PTPN4: variants seen among roughly 807,000 people sequenced by gnomAD.
The protein encoded by PTPN4 is protein tyrosine phosphatase non-receptor type 4, also known as tyrosine-protein phosphatase non-receptor type 4.
Under a neutral mutation model 135.5 loss-of-function variants are expected in PTPN4, and 49 were observed. The observed-to-expected ratio is 0.36, with a 90% CI of 0.29 to 0.46. PTPN4 has a LOEUF of 0.46. PTPN4 is among the 20% of genes least tolerant of loss of function. PTPN4 has a pLI of 1.00. For synonymous variants in PTPN4, 333 were observed against 369.9 expected (o/e 0.90, Z 1.14); for missense variants, 860 against 1,101.0 (o/e 0.78, Z 3.10).
intron 9 of PTPN4, among the ~76,000 whole-genome samples, chr2:119,888,651 A>G (rs2105006964): frequency 6.6e-6 from 1 of 152,298 alleles, no homozygotes; most frequent in African/African-American, 2.4e-5. Flanking sequence ...GTGTTGAACT[A>G]TCCTTACATT....
At chr2:119,855,522 G>A (rs1677663598) in intron 2 of PTPN4, among the ~76,000 whole-genome samples, 1 of 152,148 alleles carries the variant, frequency 6.6e-6, no homozygotes, top group African/African-American at 2.4e-5. Context: ...TATAATAGGG[G>A]CATCCTTGGG....
At chr2:119,808,536 AAGG>A (rs1275159235) in intron 1 of PTPN4, among the ~76,000 whole-genome samples, 1 of 152,208 alleles carries the variant, frequency 6.6e-6, no homozygotes, top group African/African-American at 2.4e-5. Context: ...GGACCTGTTC[AAGG>A]AGAACTACAA....
chr2:119,884,386 G>A (rs755328269), intron 8 of PTPN4, among the ~76,000 whole-genome samples: 3 of 152,080 alleles, frequency 2.0e-5, no homozygotes, highest in South Asian at 2.1e-4. Context: ...GGCTGTTTTC[G>A]CACAATGGCC....
chr2:119,898,887 A>G lies in PTPN4; in HGVS notation c.676-1831A>G, dbSNP rs561233263. On this transcript the variant is annotated intron_variant, in intron 9 of 26. Transcript: ENST00000263708. ...TGTTATTTTTTAAACTTGTTTTTCT[A>G]CTAACATTGTATCTTGATTGGCTTC... 1.1e-4 allele frequency among the ~76,000 whole-genome samples: 17 copies of G among 152,236 alleles called. No individual in the cohort carries two copies. In the South Asian group the frequency reaches 3.5e-3, roughly 32 times the overall value.
At chr2:119,795,921 A>G (rs1418280947) in intron 1 of PTPN4, among the ~76,000 whole-genome samples, 1 of 152,204 alleles carries the variant, frequency 6.6e-6, no homozygotes, top group Non-Finnish European at 1.5e-5. Context: ...GGCAAGGTGC[A>G]GGTGGCACTG....
chr2:119,797,416 T>A (rs1558728778), intron 1 of PTPN4, among the ~76,000 whole-genome samples: 1 of 152,244 alleles, frequency 6.6e-6, no homozygotes, highest in African/African-American at 2.4e-5. Context: ...TCCCCTATGG[T>A]GACCATCTTT....
intron 3 of PTPN4, among the ~76,000 whole-genome samples, chr2:119,875,906 A>G (rs147322125): frequency 3.3e-5 from 5 of 152,320 alleles, no homozygotes; most frequent in African/African-American, 1.2e-4. Context: ...ATGAAGGGAT[A>G]TAATGTTCCT....
At chr2:119,943,588 T>TC (rs1386333526) in intron 15 of PTPN4, among the ~76,000 whole-genome samples, 68 of 133,226 alleles carry the variant, frequency 5.1e-4, no homozygotes, top group East Asian at 2.1e-4. Context: ...TTCTTTTTTT[T>TC]TTTTTTTTTT....
chr2:119,838,617 C>T (rs192503674), intron 2 of PTPN4, among the ~76,000 whole-genome samples: 303 of 152,260 alleles, frequency 2.0e-3, no homozygotes, highest in Non-Finnish European at 3.9e-3. Flanking sequence ...TAAGATCTGT[C>T]GGGACCAGTC....
intron 2 of PTPN4, among the ~76,000 whole-genome samples, chr2:119,820,112 C>T (rs762492654): frequency 7.9e-5 from 12 of 152,214 alleles, no homozygotes; most frequent in Non-Finnish European, 1.5e-4. Context: ...CCTCCCACCT[C>T]GACCTCCCAC....
At chr2:119,959,226 T>C (rs1263161527) in intron 22 of PTPN4, among the ~76,000 whole-genome samples, 1 of 137,968 alleles carries the variant, frequency 7.2e-6, no homozygotes, top group African/African-American at 2.5e-5. Context: ...CTTAGGAATA[T>C]ATCTCTGATA....
At chr2:119,812,028 A>G (rs1260651124) in intron 2 of PTPN4, among the ~76,000 whole-genome samples, 2 of 152,144 alleles carry the variant, frequency 1.3e-5, no homozygotes, top group African/African-American at 4.8e-5. Flanking sequence ...AGGTCATCAA[A>G]AAACTTAAGA....
At chr2:119,919,118 A>T (rs984932326) in intron 11 of PTPN4, among the ~76,000 whole-genome samples, 2 of 152,190 alleles carry the variant, frequency 1.3e-5, no homozygotes, top group African/African-American at 4.8e-5. Flanking sequence ...GGTAGTAATG[A>T]TCCATTTCTG....
rs141473841 is a variant in PTPN4, at chr2:119,874,783, C to T, written c.247-2540C>T. Among the ~76,000 whole-genome samples, 20 of 152,202 alleles carry T rather than the reference C, an allele frequency of 1.3e-4. No homozygotes were observed. The East Asian group carries it at 3.7e-3, about 28-fold the overall frequency. On this transcript the variant is annotated intron_variant, in intron 3 of 26. Coordinates refer to ENST00000263708, the MANE Select transcript of PTPN4 (RefSeq NM_002830.4). Reference sequence around the variant, plus strand: ...ATTTTGTGGTGCGTGAAATATGTCTCACTAAAAATAATAAAAATAATGCTG... The same window carrying T: ...ATTTTGTGGTGCGTGAAATATGTCTTACTAAAAATAATAAAAATAATGCTG...
chr2:119,952,094 A>G lies in PTPN4; in HGVS notation c.1778A>G (p.His593Arg), dbSNP rs777806640. Residue 593 changes from histidine (H) to arginine (R), a missense_variant, in exon 19 of 27, where the codon CAT becomes CGT. This residue lies in a region of PTPN4 where 684 missense variants were observed against 807.0 expected (regional missense o/e 0.85). Transcript: ENST00000263708. ...TTTATTAAAGCTAGTTGTGAGAGAC[A>G]TTCTGGGGAACTCATGCTTCTAGTT... is the stretch of plus-strand genomic sequence containing the variant. The part of the protein sequence containing the change: ...VLFIKASCER[H>R]SGELMLLVRP... The G allele has an allele frequency of 6.2e-7, 1 of 1,613,232 alleles. No individual in the cohort carries two copies. Among genetic ancestry groups the G allele is most frequent in the Non-Finnish European group, 8.5e-7 (1 of 1,179,286 alleles).
chr2:119,766,803 A>G (rs1690638897), intron 1 of PTPN4, among the ~76,000 whole-genome samples: 2 of 152,072 alleles, frequency 1.3e-5, no homozygotes, highest in African/African-American at 2.4e-5. Flanking sequence ...TGAGATTAGA[A>G]CTGAAAACTG....
intron 1 of PTPN4, among the ~76,000 whole-genome samples, chr2:119,789,382 G>A (rs930591943): frequency 3.9e-5 from 6 of 152,014 alleles, no homozygotes; most frequent in Non-Finnish European, 7.4e-5. Context: ...TTTAAAAATC[G>A]CTTTCTTGAT....
chr2:119,766,501 T>A (rs958760020), intron 1 of PTPN4, among the ~76,000 whole-genome samples: 5 of 146,866 alleles, frequency 3.4e-5, no homozygotes, highest in African/African-American at 1.3e-4. Flanking sequence ...TGTGTGTGTG[T>A]GTGTGTGTGA....
intron 5 of PTPN4, among the ~76,000 whole-genome samples, chr2:119,880,934 T>A (rs1261526510): frequency 3.3e-5 from 5 of 152,176 alleles, no homozygotes; most frequent in African/African-American, 1.2e-4. Context: ...AAACTAGAAT[T>A]TCTAATGACT....
Sources: gnomAD v4.1 joint callset for allele counts (sites outside exome capture counted in the v4.1 genomes callset) on GRCh38, gnomAD v4.1.1 for gene constraint, gnomAD v4.1.1 regional missense constraint, MANE v1.5 for transcripts, NCBI Gene and HGNC (gene_info 2026-07-23, HGNC 2026-07-21) for gene names.